Variants in DLC1 observed in about 807,000 individuals in gnomAD.
DLC1 encodes DLC1 Rho GTPase activating protein, also known as rho GTPase-activating protein 7.
A neutral mutation model predicts 140.3 loss-of-function variants in DLC1; 54 were observed. That is an observed-to-expected ratio of 0.38 (90% CI 0.31 to 0.48). The LOEUF (loss-of-function observed/expected upper bound fraction) is 0.48. Among genes scored for constraint, DLC1 ranks in the 20% least tolerant of loss-of-function variants. DLC1 has a pLI of 0.96. For missense variants in DLC1, 2,536 were observed against 1,907.0 expected (o/e 1.33, Z -6.14); for synonymous variants, 986 against 728.1 (o/e 1.35, Z -5.70).
chr8:13,384,306 C>G (rs1483390714), intron 4 of DLC1, among the ~76,000 whole-genome samples: 1 of 146,228 alleles, frequency 6.8e-6, no homozygotes, highest in African/African-American at 2.5e-5. Context: ...AGAACACTCC[C>G]ACCCCACAAT....
At chr8:13,175,560 A>T (rs546662250) in intron 5 of DLC1, among the ~76,000 whole-genome samples, 1 of 152,106 alleles carries the variant, frequency 6.6e-6, no homozygotes, top group African/African-American at 2.4e-5. Flanking sequence ...TTAAAATTCA[A>T]CTTAAAAAAA....
At chr8:13,239,524 G>A (rs61471645) in intron 5 of DLC1, among the ~76,000 whole-genome samples, 1,714 of 152,222 alleles carry the variant, frequency 0.011, 30 homozygotes, top group African/African-American at 0.039. Context: ...CTGGATCTGC[G>A]GCTGTGATCA....
chr8:13,357,571 G>A (rs1336726913), intron 4 of DLC1, among the ~76,000 whole-genome samples: 1 of 152,166 alleles, frequency 6.6e-6, no homozygotes. Flanking sequence ...CTGGGTTTCT[G>A]CTGTTTTACT....
rs555148019 is a variant in DLC1, at chr8:13,592,848, T to A, written c.-126+11689A>T. 2.6e-5 allele frequency among the ~76,000 whole-genome samples: 4 copies of A among 152,288 alleles called. No homozygotes were observed. The South Asian group carries it at 8.3e-4, about 32-fold the overall frequency. ...ATGATTTGTCTCTGTTACACACATT[T>A]TGCCATGTTAGCGTCCCAATTATTC... On this transcript the variant is annotated intron_variant, in intron 1 of 1. Transcript: ENST00000631382.
intron 1 of DLC1, among the ~76,000 whole-genome samples, chr8:13,585,081 C>T (rs1310534661): frequency 6.6e-6 from 1 of 152,106 alleles, no homozygotes; most frequent in Non-Finnish European, 1.5e-5. Context: ...TGTGGCACTG[C>T]CTTCAATGAA....
chr8:13,290,698 A>G (rs1295855083), intron 5 of DLC1, among the ~76,000 whole-genome samples: 1 of 152,184 alleles, frequency 6.6e-6, no homozygotes, highest in Non-Finnish European at 1.5e-5. Context: ...TGAATAGTGG[A>G]TATCCTGGAA....
At chr8:13,569,393 C>T (rs1308906841) in intron 1 of DLC1, among the ~76,000 whole-genome samples, 4 of 152,144 alleles carry the variant, frequency 2.6e-5, no homozygotes, top group African/African-American at 4.8e-5. Context: ...TAGCATATTT[C>T]CCCTTAGTAA....
At position 13,090,483 on chromosome 8, in the gene DLC1, T is replaced by C. The variant is rs1274718523; in HGVS notation, c.3856-13A>G. The C allele has an allele frequency of 3.7e-6, 6 of 1,613,000 alleles. No homozygotes were observed. The highest frequency in any genetic ancestry group is 5.1e-6 in the Non-Finnish European group (6 of 1,179,858). On this transcript the variant is annotated splice_polypyrimidine_tract_variant and intron_variant, in intron 14 of 17. Coordinates refer to ENST00000276297, the MANE Select transcript of DLC1 (RefSeq NM_182643.3). ...TTTCCTCGGGAACCTGTGCGGAACA[T>C]GACAGACAGAAAGGAGGTGAGTCCA... is the stretch of plus-strand genomic sequence containing the variant.
intron 4 of DLC1, among the ~76,000 whole-genome samples, chr8:13,354,290 G>A (rs1413694680): frequency 6.6e-6 from 1 of 151,984 alleles, no homozygotes; most frequent in African/African-American, 2.4e-5. Context: ...TTCTGTCTTG[G>A]CCTGTAATAT....
At chr8:13,519,542 A>T (rs978598925), upstream of DLC1, among the ~76,000 whole-genome samples, 1 of 152,188 alleles carries the variant, frequency 6.6e-6, no homozygotes, top group African/African-American at 2.4e-5. Context: ...TTTTTGATCA[A>T]TTTTGTCACA....
chr8:13,443,552 G>C (rs1470736816), intron 2 of DLC1, among the ~76,000 whole-genome samples: 3 of 150,874 alleles, frequency 2.0e-5, no homozygotes, highest in Non-Finnish European at 4.4e-5. Context: ...CCAGCTACTT[G>C]AGAGGCTGAG....
chr8:13,553,594 C>G (rs567443005), intron 1 of DLC1, among the ~76,000 whole-genome samples: 1 of 152,000 alleles, frequency 6.6e-6, no homozygotes, highest in Non-Finnish European at 1.5e-5. Context: ...TCTGACAGTC[C>G]TCTCACCTTC....
At position 13,469,881 on chromosome 8, in the gene DLC1, T is replaced by G. The variant is rs147959688; in HGVS notation, c.1023+29168A>C. Among the ~76,000 whole-genome samples the G allele has an allele frequency of 2.2e-3, 337 of 152,286 alleles. 1 individual carries two copies. The highest frequency in any genetic ancestry group is 7.2e-3 in the African/African-American group (299 of 41,572). On this transcript the variant is annotated intron_variant, in intron 2 of 17. Transcript: ENST00000276297. ...AGCACATATTATGAAGAAAATTAAA[T>G]ATATAAGAAATTCTAGTTTCTGCCC...
chr8:13,580,282 G>A (rs372940292), intron 1 of DLC1, among the ~76,000 whole-genome samples: 4 of 151,886 alleles, frequency 2.6e-5, no homozygotes, highest in East Asian at 1.9e-4. Flanking sequence ...GCCACCACGC[G>A]CGGCTAATTT....
At chr8:13,541,586 G>A (rs1803485326) in intron 1 of DLC1, among the ~76,000 whole-genome samples, 1 of 152,176 alleles carries the variant, frequency 6.6e-6, no homozygotes, top group South Asian at 2.1e-4. Flanking sequence ...GTCTCACTCT[G>A]TCGCCAAGGC....
chr8:13,403,698 T>C (rs1039879879), intron 2 of DLC1, among the ~76,000 whole-genome samples: 1 of 151,732 alleles, frequency 6.6e-6, no homozygotes. Context: ...TGCAGTGCAG[T>C]GGCACGATGT....
chr8:13,116,148 T>C (rs956593978), intron 5 of DLC1: 7 of 986,564 alleles, frequency 7.1e-6, no homozygotes, highest in Non-Finnish European at 8.4e-6. Context: ...CCCCTGACCT[T>C]GTGTTGTTTC....
intron 2 of DLC1, among the ~76,000 whole-genome samples, chr8:13,410,914 G>C (rs1476643534): frequency 2.0e-5 from 3 of 152,134 alleles, no homozygotes; most frequent in Non-Finnish European, 2.9e-5. Context: ...GAAATATTCT[G>C]TTTGAATTAA....
chr8:13,421,652 T>A (rs1489137065), intron 2 of DLC1, among the ~76,000 whole-genome samples: 1 of 152,194 alleles, frequency 6.6e-6, no homozygotes. Context: ...GTCTTTGTGG[T>A]ATAATATTTC....
Sources: gnomAD v4.1 joint callset for allele counts (sites outside exome capture counted in the v4.1 genomes callset) on GRCh38, gnomAD v4.1.1 for gene constraint, MANE v1.5 for transcripts, NCBI Gene and HGNC (gene_info 2026-07-23, HGNC 2026-07-21) for gene names.